SGCD: variants seen among roughly 807,000 people sequenced by gnomAD.
SGCD encodes sarcoglycan delta.
In SGCD, 18 loss-of-function variants were observed where a neutral mutation model predicts 36.6. That is an observed-to-expected ratio of 0.49 (90% CI 0.34 to 0.73). The LOEUF is 0.73. Among genes scored for constraint, SGCD ranks in the 30% least tolerant of loss-of-function variants. The pLI, the probability that SGCD is intolerant of heterozygous loss-of-function variation, is 0.01. For synonymous variants in SGCD, 133 were observed against 130.6 expected (o/e 1.02, Z -0.12); for missense variants, 387 against 346.7 (o/e 1.12, Z -0.92).
chr5:156,080,145 C>T (rs1391020448), intron 1 of SGCD, among the ~76,000 whole-genome samples: 3 of 152,188 alleles, frequency 2.0e-5, no homozygotes, highest in South Asian at 2.1e-4. Context: ...AAAGCAGTTG[C>T]CTGAGTTGTA....
chr5:155,776,985 TA>T, the SGCD span, among the ~76,000 whole-genome samples: 1 of 152,134 alleles, frequency 6.6e-6, no homozygotes, highest in Non-Finnish European at 1.5e-5. Flanking sequence ...AACACTACTA[TA>T]ACTTTATCCA....
chr5:156,417,911 A>G (rs1241997567), intron 3 of SGCD, among the ~76,000 whole-genome samples: 2 of 152,194 alleles, frequency 1.3e-5, no homozygotes, highest in East Asian at 3.9e-4. Context: ...CAGTTCTTTC[A>G]TAAGCATCAG....
chr5:156,591,181 G>T (rs758999051), intron 5 of SGCD, among the ~76,000 whole-genome samples: 5 of 152,264 alleles, frequency 3.3e-5, no homozygotes. Flanking sequence ...TCTAATGCCT[G>T]TTGTGCTGGG....
intron 4 of SGCD, among the ~76,000 whole-genome samples, chr5:156,576,250 G>T (rs1434743045): frequency 6.6e-6 from 1 of 152,118 alleles, no homozygotes; most frequent in Non-Finnish European, 1.5e-5. Context: ...CAAAGGACGT[G>T]AACTCATTCT....
Position 155,880,376 on chromosome 5 carries a change from A to G in SGCD, c.-282+9952A>G, listed in dbSNP as rs182023547. ...TCAAAATTAGAATTGTTTTAGTAGT[A>G]GCTGGTATTCTGACTTAACTATTGA... is the stretch of plus-strand genomic sequence containing the variant. On this transcript the variant is annotated intron_variant, in intron 1 of 9. Transcript: ENST00000517913. 2.4e-3 allele frequency among the ~76,000 whole-genome samples: 365 copies of G among 152,316 alleles called. 1 individual carries two copies. The highest frequency in any genetic ancestry group is 3.5e-3 in the Admixed American group (54 of 15,296).
upstream of SGCD, among the ~76,000 whole-genome samples, chr5:155,865,750 C>T (rs1755511049): frequency 6.6e-6 from 1 of 152,160 alleles, no homozygotes; most frequent in African/African-American, 2.4e-5. Context: ...TTACTATCAA[C>T]ACTAATCTCA....
At chr5:155,945,692 G>A (rs971470880) in intron 1 of SGCD, among the ~76,000 whole-genome samples, 3 of 152,142 alleles carry the variant, frequency 2.0e-5, no homozygotes, top group South Asian at 2.1e-4. Context: ...CAAGGAATAC[G>A]AGAAAGACCA....
intron 4 of SGCD, among the ~76,000 whole-genome samples, chr5:156,546,703 T>G (rs1476746501): frequency 6.6e-6 from 1 of 152,200 alleles, no homozygotes; most frequent in African/African-American, 2.4e-5. Flanking sequence ...GTGTGAAATA[T>G]GATCTTGTCA....
intron 4 of SGCD, among the ~76,000 whole-genome samples, chr5:156,561,019 G>A (rs953054372): frequency 1.3e-5 from 2 of 152,116 alleles, no homozygotes; most frequent in African/African-American, 4.8e-5. Flanking sequence ...TTGACATTCA[G>A]TAACCTCATC....
intron 7 of SGCD, among the ~76,000 whole-genome samples, chr5:156,742,146 G>C (rs1465417757): frequency 2.6e-5 from 4 of 152,170 alleles, no homozygotes; most frequent in Non-Finnish European, 5.9e-5. Context: ...AAAGTGCTGG[G>C]ATTACAGGCG....
Position 156,761,508 on chromosome 5 carries a change from G to A in SGCD, c.*2118G>A, listed in dbSNP as rs1757498955. On this transcript the variant is annotated 3_prime_UTR_variant, in exon 9 of 9. Transcript: ENST00000337851. ...GCCAGAATCTGTATGTATCAATACA[G>A]GGTTTTTCCAAGCCAGGAAACGCCC... The A allele has an allele frequency of 6.6e-6, 1 of 152,126 alleles. No homozygotes were observed. The highest frequency in any genetic ancestry group is 6.5e-5 in the Admixed American group (1 of 15,274). The allele number at this position is 152,126 out of a possible 1,614,324, so 9.4% of individuals were successfully genotyped here.
At chr5:156,254,538 T>C (rs1765665077) in intron 3 of SGCD, among the ~76,000 whole-genome samples, 1 of 152,202 alleles carries the variant, frequency 6.6e-6, no homozygotes, top group Non-Finnish European at 1.5e-5. Context: ...AATTATATGA[T>C]ATTTTTTCTC....
intron 3 of SGCD, among the ~76,000 whole-genome samples, chr5:156,440,775 A>T (rs1580996771): frequency 6.6e-6 from 1 of 152,254 alleles, no homozygotes; most frequent in East Asian, 1.9e-4. Context: ...AGAAACATCT[A>T]TTCAAATCCT....
intron 7 of SGCD, chr5:156,704,177 A>T (rs1754646913): frequency 6.6e-6 from 1 of 152,140 alleles, no homozygotes; most frequent in Non-Finnish European, 1.5e-5. Flanking sequence ...TCCTTTCCCA[A>T]GTTCCGTTTT....
chr5:156,616,847 T>C (rs149079558), intron 6 of SGCD, among the ~76,000 whole-genome samples: 2 of 152,328 alleles, frequency 1.3e-5, no homozygotes, highest in African/African-American at 4.8e-5. Context: ...AATATTTTAC[T>C]GGAACATGAT....
intron 3 of SGCD, among the ~76,000 whole-genome samples, chr5:156,299,826 C>CT (rs1208865477): frequency 6.6e-6 from 1 of 151,968 alleles, no homozygotes; most frequent in East Asian, 1.9e-4. Flanking sequence ...CAGTTCTAAT[C>CT]TTTTTTTGGT....
intron 4 of SGCD, among the ~76,000 whole-genome samples, chr5:156,521,621 A>T (rs1286768221): frequency 6.6e-6 from 1 of 152,242 alleles, no homozygotes; most frequent in East Asian, 1.9e-4. Flanking sequence ...ATCATTAGAG[A>T]AATCCAAATC....
rs150716563 is a variant in SGCD at position 155,982,867 on chromosome 5, G to C, written c.-282+112443G>C. 2.2e-3 allele frequency among the ~76,000 whole-genome samples: 338 copies of C among 152,256 alleles called. 3 individuals are homozygous for C. Among genetic ancestry groups the C allele is most frequent in the African/African-American group, 7.9e-3 (327 of 41,550 alleles). ...TTTGAGATTGAGCTCCGAAACAGAG[G>C]ATGTGTGGTTTTCTCTACTTAACAC... On this transcript the variant is annotated intron_variant, in intron 1 of 9. Transcript: ENST00000517913.
intron 1 of SGCD, among the ~76,000 whole-genome samples, chr5:156,020,118 A>G (rs548128385): frequency 6.6e-6 from 1 of 152,338 alleles, no homozygotes; most frequent in South Asian, 2.1e-4. Context: ...GATGTGATCA[A>G]CTACATGTAC....
Sources: gnomAD v4.1 joint callset for allele counts (sites outside exome capture counted in the v4.1 genomes callset) on GRCh38, gnomAD v4.1.1 for gene constraint, MANE v1.5 for transcripts, NCBI Gene and HGNC (gene_info 2026-07-23, HGNC 2026-07-21) for gene names.